UNC13C: variants seen among roughly 807,000 people sequenced by gnomAD.
The protein encoded by UNC13C is unc-13 homolog C, also known as protein unc-13 homolog C.
A neutral mutation model predicts 245.4 loss-of-function variants in UNC13C; 174 were observed. The ratio of observed to expected loss-of-function variants is 0.71; its 90% CI spans 0.63 to 0.80. The LOEUF (loss-of-function observed/expected upper bound fraction) is 0.80. UNC13C is among the 30% of genes least tolerant of loss of function. UNC13C has a pLI of 0.00. For synonymous variants in UNC13C, 992 were observed against 895.1 expected (o/e 1.11, Z -1.93); for missense variants, 2,829 against 2,602.9 (o/e 1.09, Z -1.89).
At chr15:53,926,294 C>G in the UNC13C span, among the ~76,000 whole-genome samples, 1 of 152,084 alleles carries the variant, frequency 6.6e-6, no homozygotes, top group Non-Finnish European at 1.5e-5. Flanking sequence ...TTTGGAATTA[C>G]AAGCCCTGGA....
chr15:54,462,652 A>G (rs1278316677), intron 19 of UNC13C, among the ~76,000 whole-genome samples: 2 of 152,196 alleles, frequency 1.3e-5, no homozygotes, highest in East Asian at 1.9e-4. Flanking sequence ...CCTGCCCGCA[A>G]TGCGCTTGAA....
intron 7 of UNC13C, among the ~76,000 whole-genome samples, chr15:54,238,217 G>A (rs2035759443): frequency 2.0e-5 from 3 of 151,648 alleles, no homozygotes; most frequent in Non-Finnish European, 4.4e-5. Flanking sequence ...TGGGACTACA[G>A]GTGCTTGCCA....
At chr15:54,081,236 C>T (rs1595823693) in intron 2 of UNC13C, among the ~76,000 whole-genome samples, 2 of 152,112 alleles carry the variant, frequency 1.3e-5, no homozygotes, top group East Asian at 3.9e-4. Flanking sequence ...GAGGTTGTTT[C>T]ATGCACAGAT....
downstream of UNC13C, chr15:54,629,087 C>T (rs576469168): frequency 1.3e-5 from 2 of 152,030 alleles, no homozygotes; most frequent in Non-Finnish European, 2.9e-5. Context: ...ACATATACAC[C>T]GTGGAATACT....
At chr15:54,480,882 A>G (rs1051309906) in intron 19 of UNC13C, among the ~76,000 whole-genome samples, 7 of 152,086 alleles carry the variant, frequency 4.6e-5, no homozygotes, top group African/African-American at 1.2e-4. Context: ...CCTTTTTCCT[A>G]TAGTCACATG....
chr15:54,443,147 A>G (rs2140993244), intron 19 of UNC13C, among the ~76,000 whole-genome samples: 1 of 152,082 alleles, frequency 6.6e-6, no homozygotes, highest in East Asian at 1.9e-4. Context: ...CTGGAAGGTT[A>G]TATGTGCCCA....
chr15:54,292,582 A>G (rs2037325663), intron 10 of UNC13C, among the ~76,000 whole-genome samples: 1 of 151,944 alleles, frequency 6.6e-6, no homozygotes. Context: ...ATTCTCAAAT[A>G]CTTTTTGCAC....
chr15:53,996,242 T>C (rs1894627247), intron 1 of UNC13C, among the ~76,000 whole-genome samples: 1 of 152,196 alleles, frequency 6.6e-6, no homozygotes, highest in South Asian at 2.1e-4. Context: ...ATTGTAATTT[T>C]GTTCCAATTG....
chr15:54,053,787 C>G (rs1452612239), intron 2 of UNC13C, among the ~76,000 whole-genome samples: 1 of 151,958 alleles, frequency 6.6e-6, no homozygotes, highest in African/African-American at 2.4e-5. Context: ...CCTTTCCTAC[C>G]CCCAACTACC....
At chr15:54,262,700 T>C (rs1232755313) in intron 8 of UNC13C, among the ~76,000 whole-genome samples, 1 of 152,158 alleles carries the variant, frequency 6.6e-6, no homozygotes, top group East Asian at 1.9e-4. Flanking sequence ...TTTTTAAATG[T>C]CGTTTAGGTC....
chr15:54,142,683 G>C (rs1204534518), intron 2 of UNC13C, among the ~76,000 whole-genome samples: 2 of 152,146 alleles, frequency 1.3e-5, no homozygotes, highest in African/African-American at 4.8e-5. Flanking sequence ...AAAGAGTTTG[G>C]TAGCTTATCC....
chr15:54,372,862 G>T (rs1417689004), intron 17 of UNC13C, among the ~76,000 whole-genome samples: 3 of 152,322 alleles, frequency 2.0e-5, no homozygotes, highest in African/African-American at 7.2e-5. Context: ...GTAGCCACTA[G>T]CCATAGGTGA....
chr15:54,425,309 G>T (rs968256745), intron 19 of UNC13C, among the ~76,000 whole-genome samples: 3 of 151,692 alleles, frequency 2.0e-5, no homozygotes, highest in Non-Finnish European at 4.4e-5. Flanking sequence ...TAAGTAAAAG[G>T]ATAAAAACTG....
chr15:54,496,595 G>A (rs66833516), intron 20 of UNC13C, among the ~76,000 whole-genome samples: 52 of 151,134 alleles, frequency 3.4e-4, no homozygotes, highest in African/African-American at 1.1e-3. Context: ...GTGTGTGTGT[G>A]TATATATATA....
intron 10 of UNC13C, among the ~76,000 whole-genome samples, chr15:54,269,625 T>A (rs2036633720): frequency 6.6e-6 from 1 of 152,108 alleles, no homozygotes; most frequent in Admixed American, 6.6e-5. Context: ...ATGTGACAAT[T>A]CGCAGTGCTC....
intron 2 of UNC13C, among the ~76,000 whole-genome samples, chr15:54,056,547 T>G (rs1276103753): frequency 6.6e-6 from 1 of 152,118 alleles, no homozygotes; most frequent in Non-Finnish European, 1.5e-5. Context: ...CAGGATATTA[T>G]CCAGGAGAAC....
intron 18 of UNC13C, among the ~76,000 whole-genome samples, chr15:54,394,716 A>G (rs1244834988): frequency 6.6e-6 from 1 of 151,862 alleles, no homozygotes; most frequent in Non-Finnish European, 1.5e-5. Flanking sequence ...TTTGGCTTTA[A>G]TAATCAAAGA....
At chr15:53,893,411 G>A in the UNC13C span, among the ~76,000 whole-genome samples, 5 of 152,238 alleles carry the variant, frequency 3.3e-5, no homozygotes, top group Non-Finnish European at 5.9e-5. Flanking sequence ...TCTCTTCAGA[G>A]CTGTGAGGCA....
intron 24 of UNC13C, among the ~76,000 whole-genome samples, chr15:54,522,626 A>G (rs1895271964): frequency 6.6e-6 from 1 of 152,214 alleles, no homozygotes; most frequent in South Asian, 2.1e-4. Flanking sequence ...GTGGGATTAT[A>G]GTTTATTCTG....
Sources: gnomAD v4.1 joint callset for allele counts (sites outside exome capture counted in the v4.1 genomes callset) on GRCh38, gnomAD v4.1.1 for gene constraint, MANE v1.5 for transcripts, NCBI Gene and HGNC (gene_info 2026-07-23, HGNC 2026-07-21) for gene names.